Variants in NME6 observed in about 807,000 individuals in gnomAD.
The protein encoded by NME6 is nucleoside diphosphate kinase 6, mitochondrial.
A neutral mutation model predicts 22.2 loss-of-function variants in NME6; 16 were observed. The observed-to-expected ratio is 0.72, with a 90% CI of 0.49 to 1.09. The LOEUF is 1.09. Ranked by LOEUF, NME6 falls within the 50% of genes least tolerant of loss-of-function variation. The pLI, the probability that NME6 is intolerant of heterozygous loss-of-function variation, is 0.00. For synonymous variants in NME6, 58 were observed against 85.2 expected, an observed-to-expected ratio of 0.68 and a Z score of 1.76; for missense variants, 229 against 239.0, an observed-to-expected ratio of 0.96 and a Z score of 0.28.
chr3:48,297,150 A>C (rs969325725), intron 2 of NME6, among the ~76,000 whole-genome samples: 1 of 152,116 alleles, frequency 6.6e-6, no homozygotes, highest in Admixed American at 6.6e-5. Flanking sequence ...AAACCATCAC[A>C]CTTGATAGAT....
Position 48,295,098 on chromosome 3 carries a change from G to GT in NME6, c.370dup (p.Thr124AsnfsTer24), listed in dbSNP as rs1450214375. The GT allele has an allele frequency of 6.2e-7, 1 of 1,614,156 alleles. No individual in the cohort carries two copies. Among genetic ancestry groups the GT allele is most frequent in the Admixed American group, 1.7e-5 (1 of 60,030 alleles). ...ACCCGAACCATGGGTGGTGTTGCGG[G>GT]TGTCAGTGAGGCCGAAACTCCCACG... On this transcript the variant is annotated frameshift_variant, in exon 5 of 6. Coordinates refer to ENST00000442597, the MANE Select transcript of NME6 (RefSeq NM_001308426.2). LOFTEE classifies it high-confidence loss of function.
At chr3:48,298,839 C>T (rs2035404062) in intron 1 of NME6, 1 of 642,828 alleles carries the variant, frequency 1.6e-6, no homozygotes, top group African/African-American at 1.8e-5. Flanking sequence ...GCCAATATCC[C>T]TTCCTAACTT....
chr3:48,299,976 T>C (rs1049379397), intron 1 of NME6, among the ~76,000 whole-genome samples: 2 of 152,090 alleles, frequency 1.3e-5, no homozygotes, highest in Non-Finnish European at 2.9e-5. Context: ...TTCTGGCAAT[T>C]TTCCCTACCT....
At chr3:48,289,454 G>A (rs1444651467), downstream of NME6, among the ~76,000 whole-genome samples, 1 of 152,130 alleles carries the variant, frequency 6.6e-6, no homozygotes, top group Non-Finnish European at 1.5e-5. Flanking sequence ...AAGTTGGGAG[G>A]CTTGAGATCC....
At chr3:48,289,670 T>G (rs2034324356), downstream of NME6, among the ~76,000 whole-genome samples, 1 of 152,186 alleles carries the variant, frequency 6.6e-6, no homozygotes, top group Non-Finnish European at 1.5e-5. Context: ...GAAAAGATGA[T>G]TAAGTCTAAA....
chr3:48,301,204 G>A (rs982630391), intron 1 of NME6, 149 bp downstream of exon 1: 5 of 1,456,892 alleles, frequency 3.4e-6, no homozygotes, highest in African/African-American at 1.4e-5. Context: ...CAGCCCCCCG[G>A]GCTCACGGCC....
rs2106914100 is a variant in NME6 at position 48,293,544 on chromosome 3, G to A, written c.*1093C>T. On this transcript the variant is annotated 3_prime_UTR_variant, in exon 6 of 6. Transcript: ENST00000442597. ...GACCCCTGCTATGGATACCCTATTTGACCTTCAGGCTTAGTTCCAAAGCCA... is the reference window on the plus strand; with the variant it reads ...GACCCCTGCTATGGATACCCTATTTAACCTTCAGGCTTAGTTCCAAAGCCA... The A allele has an allele frequency of 6.6e-6, 1 of 152,258 alleles. No homozygotes were observed. Among genetic ancestry groups the A allele is most frequent in the Admixed American group, 6.5e-5 (1 of 15,284 alleles). 9.4% of individuals were successfully genotyped at this position (152,258 alleles called of 1,614,324 possible). A position where few individuals can be genotyped will look rare whatever the true frequency, so the allele number is the denominator to read the frequency against.
At chr3:48,290,071 T>G (rs2034350436), downstream of NME6, among the ~76,000 whole-genome samples, 1 of 150,524 alleles carries the variant, frequency 6.6e-6, no homozygotes, top group Admixed American at 6.6e-5. Context: ...GGTTTTTTGT[T>G]TTTTTTTTTG....
At chr3:48,288,290 A>G (rs914393714), downstream of NME6, among the ~76,000 whole-genome samples, 1 of 151,744 alleles carries the variant, frequency 6.6e-6, no homozygotes, top group African/African-American at 2.4e-5. Flanking sequence ...CTCAGGTGGG[A>G]AGATCACCTG....
chr3:48,296,016 C>T, intron 4 of NME6, 103 bp downstream of exon 4: 2 of 887,894 alleles, frequency 2.3e-6, no homozygotes, highest in Non-Finnish European at 3.8e-6. Flanking sequence ...CGTGCCTGGC[C>T]TGATTACAAC....
chr3:48,296,086 T>G, intron 4 of NME6, 33 bp downstream of exon 4: 1 of 1,373,348 alleles, frequency 7.3e-7, no homozygotes, highest in South Asian at 1.2e-5. Flanking sequence ...TTAGCCTCAG[T>G]GGATAAAGAT....
At position 48,295,111 on chromosome 3, in the gene NME6, C is replaced by T. The variant is rs1300230976; in HGVS notation, c.358G>A (p.Gly120Ser). The T allele has an allele frequency of 5.6e-6, 9 of 1,614,058 alleles. No homozygotes were observed. Among genetic ancestry groups the T allele is most frequent in the South Asian group, 3.3e-5 (3 of 91,064 alleles). ...VAPDSIRGSFGLTDTRNTTHG... is the reference protein window; with the variant it reads ...VAPDSIRGSFSLTDTRNTTHG... ...GTGGTGTTGCGGGTGTCAGTGAGGC[C>T]GAAACTCCCACGGATAGAATCTGGG... is the stretch of plus-strand genomic sequence containing the variant. Residue 120 changes from glycine (G) to serine (S), a missense_variant, in exon 5 of 6, where the codon GGC becomes AGC. Coordinates refer to ENST00000442597, the MANE Select transcript of NME6 (RefSeq NM_001308426.2).
chr3:48,298,933 C>G, intron 1 of NME6: 1 of 702,804 alleles, frequency 1.4e-6, no homozygotes, highest in South Asian at 1.5e-5. Flanking sequence ...GAATTCATCT[C>G]TTAAAATCTT....
In NME6 at chr3:48,298,502, C is replaced by T. The variant is rs1316159208; in HGVS notation, c.15G>A (p.Leu5=). 2 of 1,608,062 alleles carry T rather than the reference C, an allele frequency of 1.2e-6. No homozygotes were observed. The highest frequency in any genetic ancestry group is 1.7e-6 in the Non-Finnish European group (2 of 1,177,328). MASI[L]RSPQALQLTL... is the part of the protein sequence containing the mutation. ...TGAGCTGGAGAGCCTGAGGGCTTCG[C>T]AAGATTGAGGCCATCTCACTCCTGC... The change falls in exon 2 of 6, where the codon TTG becomes TTA. Residue 5 remains leucine (L), a synonymous_variant. Coordinates refer to ENST00000442597, the MANE Select transcript of NME6 (RefSeq NM_001308426.2).
chr3:48,298,983 G>A, intron 1 of NME6: 1 of 703,050 alleles, frequency 1.4e-6, no homozygotes, highest in Non-Finnish European at 2.6e-6. Context: ...AGAATTGGAA[G>A]ATTGATGGAC....
intron 1 of NME6, chr3:48,300,347 T>C: frequency 2.2e-6 from 1 of 456,734 alleles, no homozygotes; most frequent in South Asian, 1.5e-5. Flanking sequence ...CCTTTCAGTT[T>C]TGAAAGAATT....
chr3:48,295,125 A>T lies in NME6; in HGVS notation c.344T>A (p.Ile115Asn). The T allele has an allele frequency of 1.2e-6, 2 of 1,614,146 alleles. No individual in the cohort carries two copies. The highest frequency in any genetic ancestry group is 1.7e-6 in the Non-Finnish European group (2 of 1,180,016). ...GTCAGTGAGGCCGAAACTCCCACGG[A>T]TAGAATCTGGGGCCACATGGCGTGC... ...FRARHVAPDS[I>N]RGSFGLTDTR... is the part of the protein sequence containing the mutation. Residue 115 changes from isoleucine to asparagine, a missense_variant, in exon 5 of 6, where the codon ATC becomes AAC. Physicochemically the swap from Ile to Asn is moderately radical, Grantham distance 149. Transcript: ENST00000442597.
chr3:48,301,279 C>T, intron 1 of NME6, 74 bp downstream of exon 1: 1 of 1,597,882 alleles, frequency 6.3e-7, no homozygotes, highest in South Asian at 1.1e-5. Flanking sequence ...CCCCTCGTAC[C>T]CGGGGCCTAA....
chr3:48,292,181 T>C (rs918191731), downstream of NME6: 4 of 152,300 alleles, frequency 2.6e-5, no homozygotes, highest in Admixed American at 1.3e-4. Context: ...CTTTGTCTTT[T>C]GGTGGACCTG....
Sources: allele counts gnomAD v4.1 joint callset (sites outside exome capture counted in the v4.1 genomes callset), GRCh38; gene constraint gnomAD v4.1.1; transcripts MANE v1.5; gene names NCBI Gene and HGNC (gene_info 2026-07-23, HGNC 2026-07-21).